Variants in ANKS1B observed in about 807,000 individuals in gnomAD.
ANKS1B encodes the protein ankyrin repeat and sterile alpha motif domain-containing protein 1B.
A neutral mutation model predicts 148.3 loss-of-function variants in ANKS1B; 36 were observed. That is an observed-to-expected ratio of 0.24 (90% confidence interval 0.19 to 0.32). The LOEUF is 0.32. Among genes scored for constraint, ANKS1B ranks in the 10% least tolerant of loss-of-function variants. The pLI is 1.00. For missense variants in ANKS1B, 1,157 were observed against 1,542.6 expected, an observed-to-expected ratio of 0.75 and a Z score of 4.19; for synonymous variants, 542 against 560.8, an observed-to-expected ratio of 0.97 and a Z score of 0.47.
intron 9 of ANKS1B, among the ~76,000 whole-genome samples, chr12:99,654,116 A>AT (rs1331083451): frequency 3.3e-5 from 5 of 152,094 alleles, no homozygotes; most frequent in Admixed American, 6.5e-5. Flanking sequence ...CTATGAAGAG[A>AT]TTTTTTAAGT....
Position 99,170,715 on chromosome 12 carries a change from C to T in ANKS1B, c.2420-16320G>A, listed in dbSNP as rs576928098. On this transcript the variant is annotated intron_variant, in intron 14 of 26. Coordinates refer to ENST00000683438, the MANE Select transcript of ANKS1B (RefSeq NM_001352186.2). ...CAAATAACAGGAAAGCTAATTGTAC[C>T]GTGAAGTGATCAGAATTCCCACACC... Among the ~76,000 whole-genome samples the T allele has an allele frequency of 9.2e-5, 14 of 152,064 alleles. 1 individual carries two copies. The highest frequency in any genetic ancestry group is 6.2e-4 in the South Asian group (3 of 4,824).
chr12:99,891,327 T>C (rs761693392), intron 1 of ANKS1B, among the ~76,000 whole-genome samples: 22 of 151,922 alleles, frequency 1.4e-4, no homozygotes, highest in Admixed American at 9.8e-4. Context: ...TGTGTGTGTA[T>C]GTGTGTGTGT....
chr12:99,710,317 A>G (rs1194876748), intron 8 of ANKS1B, among the ~76,000 whole-genome samples: 1 of 152,162 alleles, frequency 6.6e-6, no homozygotes, highest in African/African-American at 2.4e-5. Flanking sequence ...TGATACCATC[A>G]AGATATACAT....
chr12:99,230,069 T>C (rs766422338), intron 14 of ANKS1B, among the ~76,000 whole-genome samples: 1 of 152,072 alleles, frequency 6.6e-6, no homozygotes, highest in Non-Finnish European at 1.5e-5. Context: ...ACCAGGAATA[T>C]AGTTAACTAC....
chr12:99,169,953 C>T (rs150823854), intron 14 of ANKS1B, among the ~76,000 whole-genome samples: 139 of 152,276 alleles, frequency 9.1e-4, no homozygotes, highest in African/African-American at 3.0e-3. Flanking sequence ...TGAGAATGCT[C>T]ATCCATACAC....
chr12:99,160,627 C>T (rs910475439), intron 14 of ANKS1B, among the ~76,000 whole-genome samples: 1 of 151,882 alleles, frequency 6.6e-6, no homozygotes, highest in Non-Finnish European at 1.5e-5. Context: ...GGATTACAGG[C>T]ATGAGCCACC....
chr12:99,463,695 A>T (rs11109855), intron 10 of ANKS1B, among the ~76,000 whole-genome samples: 7,268 of 152,220 alleles, frequency 0.048, 591 homozygotes, highest in African/African-American at 0.17. Flanking sequence ...TTGCTAGCAC[A>T]GCAGTCTGAG....
intron 19 of ANKS1B, among the ~76,000 whole-genome samples, chr12:98,823,879 A>G (rs2099223050): frequency 6.6e-6 from 1 of 152,242 alleles, no homozygotes; most frequent in African/African-American, 2.4e-5. Flanking sequence ...ATGCCAGAGC[A>G]GTGGGTAGAA....
intron 14 of ANKS1B, among the ~76,000 whole-genome samples, chr12:99,162,433 A>C (rs2076752142): frequency 6.6e-6 from 1 of 152,178 alleles, no homozygotes; most frequent in East Asian, 1.9e-4. Context: ...AAATGCACAT[A>C]CATAATTGTA....
At chr12:99,619,605 C>T (rs2098019785) in intron 9 of ANKS1B, among the ~76,000 whole-genome samples, 1 of 151,912 alleles carries the variant, frequency 6.6e-6, no homozygotes, top group Admixed American at 6.5e-5. Context: ...GATACCTGCT[C>T]ACCGAGATCA....
At chr12:99,156,910 C>G (rs2076120272) in intron 14 of ANKS1B, among the ~76,000 whole-genome samples, 1 of 152,138 alleles carries the variant, frequency 6.6e-6, no homozygotes, top group Non-Finnish European at 1.5e-5. Flanking sequence ...ACAAAAAATT[C>G]TATTTTCAAA....
intron 14 of ANKS1B, among the ~76,000 whole-genome samples, chr12:99,170,206 A>G (rs1253536123): frequency 6.6e-6 from 1 of 152,132 alleles, no homozygotes; most frequent in Non-Finnish European, 1.5e-5. Context: ...CTGTTTCCAC[A>G]TGGGTGCTCA....
chr12:99,947,976 G>A (rs1399140731), intron 1 of ANKS1B, among the ~76,000 whole-genome samples: 1 of 152,112 alleles, frequency 6.6e-6, no homozygotes, highest in East Asian at 1.9e-4. Context: ...TCTTCTAATA[G>A]CAGCTAGAAA....
At chr12:99,892,545 A>G (rs2093169075) in intron 1 of ANKS1B, among the ~76,000 whole-genome samples, 1 of 152,206 alleles carries the variant, frequency 6.6e-6, no homozygotes. Context: ...AGCCAAGAAA[A>G]CAACCTGATT....
At chr12:98,985,736 T>C (rs2099922928) in intron 17 of ANKS1B, among the ~76,000 whole-genome samples, 1 of 152,170 alleles carries the variant, frequency 6.6e-6, no homozygotes. Context: ...TGTTTACATA[T>C]TTTCTTTAGA....
At chr12:99,742,211 T>C (rs2153582349) in intron 8 of ANKS1B, among the ~76,000 whole-genome samples, 1 of 151,422 alleles carries the variant, frequency 6.6e-6, no homozygotes, top group African/African-American at 2.4e-5. Flanking sequence ...GACATAAGTT[T>C]AGCTATGTAA....
intron 14 of ANKS1B, among the ~76,000 whole-genome samples, chr12:99,182,915 T>C (rs1193937360): frequency 1.3e-5 from 2 of 152,234 alleles, no homozygotes; most frequent in South Asian, 2.1e-4. Flanking sequence ...TAATCAATGA[T>C]GTTGAACACA....
chr12:99,727,383 T>C (rs1016141183), intron 8 of ANKS1B, among the ~76,000 whole-genome samples: 3 of 151,912 alleles, frequency 2.0e-5, no homozygotes, highest in African/African-American at 4.8e-5. Context: ...TGAACTCCCA[T>C]TCACAATTGC....
chr12:99,191,102 T>C (rs964822509), intron 14 of ANKS1B, among the ~76,000 whole-genome samples: 1 of 151,958 alleles, frequency 6.6e-6, no homozygotes, highest in Non-Finnish European at 1.5e-5. Flanking sequence ...AAAAAAGCTA[T>C]AATCACTGGT....
Sources: gnomAD v4.1 joint callset for allele counts (sites outside exome capture counted in the v4.1 genomes callset) on GRCh38, gnomAD v4.1.1 for gene constraint, MANE v1.5 for transcripts, NCBI Gene and HGNC (gene_info 2026-07-23, HGNC 2026-07-21) for gene names.